Variants in ADAMTS3 observed in about 807,000 individuals in gnomAD.
The protein encoded by ADAMTS3 is A disintegrin and metalloproteinase with thrombospondin motifs 3.
In ADAMTS3, 73 loss-of-function variants were observed where a neutral mutation model predicts 129.0. The ratio of observed to expected loss-of-function variants is 0.57; its 90% CI spans 0.47 to 0.69. The LOEUF is 0.69. Ranked by LOEUF, ADAMTS3 falls within the 30% of genes least tolerant of loss-of-function variation. ADAMTS3 has a pLI of 0.00. For synonymous variants in ADAMTS3, 477 were observed against 510.8 expected (o/e 0.93, Z 0.89); for missense variants, 1,457 against 1,514.5 (o/e 0.96, Z 0.63).
chr4:72,293,171 A>T (rs1444024328), intron 19 of ADAMTS3, among the ~76,000 whole-genome samples: 2 of 152,164 alleles, frequency 1.3e-5, no homozygotes, highest in East Asian at 3.9e-4. Context: ...GAGCAAACTG[A>T]CTTGCACTGT....
rs942121391 is a variant in ADAMTS3 at position 72,313,618 on chromosome 4, A to G, written c.1745+59T>C. The stretch of plus-strand genomic sequence containing the variant: ...TTATAAAACAGAATACTAATAACAT[A>G]ATATTGAAGTATTTTCTGGTCTCTC... On this transcript the variant is annotated intron_variant, in intron 12 of 21. Coordinates refer to ENST00000286657, the MANE Select transcript of ADAMTS3 (RefSeq NM_014243.3). 17 of 1,553,656 alleles carry G rather than the reference A, an allele frequency of 1.1e-5. No individual in the cohort carries two copies. In the African/African-American group the frequency reaches 2.3e-4, roughly 21 times the overall value.
chr4:72,304,410 G>A (rs955732605), intron 16 of ADAMTS3, among the ~76,000 whole-genome samples: 1 of 152,042 alleles, frequency 6.6e-6, no homozygotes, highest in Non-Finnish European at 1.5e-5. Context: ...AGAAAACTGG[G>A]AATATCTTGA....
intron 2 of ADAMTS3, among the ~76,000 whole-genome samples, chr4:72,551,414 T>C (rs915512569): frequency 6.6e-6 from 1 of 152,204 alleles, no homozygotes; most frequent in African/African-American, 2.4e-5. Flanking sequence ...ATATGAATGG[T>C]ATGTTTCTAT....
At chr4:72,486,575 A>C (rs1318631128) in intron 3 of ADAMTS3, among the ~76,000 whole-genome samples, 1 of 152,202 alleles carries the variant, frequency 6.6e-6, no homozygotes, top group African/African-American at 2.4e-5. Context: ...GTGCTTGAAA[A>C]GATCCAAATG....
chr4:72,375,758 C>A (rs1240711032), intron 4 of ADAMTS3, among the ~76,000 whole-genome samples: 1 of 152,120 alleles, frequency 6.6e-6, no homozygotes, highest in Non-Finnish European at 1.5e-5. Flanking sequence ...ATGTACACAG[C>A]AGGAATAAAC....
intron 4 of ADAMTS3, among the ~76,000 whole-genome samples, chr4:72,398,596 C>T (rs1222804611): frequency 6.6e-6 from 1 of 151,894 alleles, no homozygotes; most frequent in African/African-American, 2.4e-5. Context: ...TAAATACATA[C>T]ATACATAAAT....
chr4:72,296,618 T>C (rs1718815782), intron 18 of ADAMTS3, among the ~76,000 whole-genome samples: 1 of 152,128 alleles, frequency 6.6e-6, no homozygotes, highest in East Asian at 1.9e-4. Context: ...ATAATTTTGC[T>C]GAACCATTTG....
chr4:72,414,292 G>C (rs1414365243), intron 4 of ADAMTS3, among the ~76,000 whole-genome samples: 1 of 151,666 alleles, frequency 6.6e-6, no homozygotes, highest in African/African-American at 2.4e-5. Context: ...AGCAGTTCTA[G>C]CCTAATTTGA....
Position 72,474,896 on chromosome 4 carries a change from G to C in ADAMTS3, c.505-59925C>G, listed in dbSNP as rs112783271. 7.6e-3 allele frequency among the ~76,000 whole-genome samples: 1,145 copies of C among 151,196 alleles called. 27 individuals are homozygous for C. The highest frequency in any genetic ancestry group is 0.026 in the African/African-American group (1,088 of 41,300). On this transcript the variant is annotated intron_variant, in intron 3 of 21. Transcript: ENST00000286657. ...AAAAAAATTAGCCGGGCGTAGTGGC[G>C]GGTGCCTGTAGTCCCAGCTACTTGG...
At chr4:72,550,081 G>GGAAGAAGAA (rs1182642409) in intron 2 of ADAMTS3, among the ~76,000 whole-genome samples, 3 of 26,054 alleles carry the variant, frequency 1.2e-4, no homozygotes, top group East Asian at 1.3e-3. Flanking sequence ...AAGAGGAAGA[G>GGAAGAAGAA]GAAGAAGAAG....
At chr4:72,295,834 G>T in intron 18 of ADAMTS3, 48 bp from the exon 19 acceptor site, 2 of 1,583,668 alleles carry the variant, frequency 1.3e-6, no homozygotes, top group South Asian at 1.1e-5. Context: ...TCTTCATGCT[G>T]ATAGTTACTT....
intron 17 of ADAMTS3, among the ~76,000 whole-genome samples, chr4:72,301,347 A>G (rs1718945624): frequency 6.6e-6 from 1 of 152,080 alleles, no homozygotes; most frequent in Non-Finnish European, 1.5e-5. Context: ...TGAAAAGACA[A>G]CCTATGGACT....
intron 4 of ADAMTS3, among the ~76,000 whole-genome samples, chr4:72,375,453 C>T (rs1721112787): frequency 6.6e-6 from 1 of 152,126 alleles, no homozygotes; most frequent in Non-Finnish European, 1.5e-5. Context: ...AAAGACAGAG[C>T]TTAAATGAGT....
intron 3 of ADAMTS3, among the ~76,000 whole-genome samples, chr4:72,542,322 G>A (rs1246531769): frequency 2.0e-5 from 3 of 151,788 alleles, no homozygotes; most frequent in Non-Finnish European, 2.9e-5. Flanking sequence ...CCACCACCAC[G>A]CCCGGCTAAT....
chr4:72,521,932 A>G (rs1260803945), intron 3 of ADAMTS3, among the ~76,000 whole-genome samples: 1 of 152,202 alleles, frequency 6.6e-6, no homozygotes, highest in Admixed American at 6.5e-5. Context: ...TAAGATCAGA[A>G]TATCTAGATT....
rs146003778 is a variant in ADAMTS3, at chr4:72,457,007, A to G, written c.505-42036T>C. On this transcript the variant is annotated intron_variant, in intron 3 of 21. Transcript: ENST00000286657. ...ATCATGGAAGGAAGTCACCCAAAAT[A>G]TAAGTAGAGATCTTTGAGGTGTAGG... Among the ~76,000 whole-genome samples, 195 of 151,846 alleles carry G rather than the reference A, an allele frequency of 1.3e-3. 3 individuals are homozygous for G. Among genetic ancestry groups the G allele is most frequent in the Admixed American group, 7.7e-3 (117 of 15,196 alleles).
rs1164965911 is a variant in ADAMTS3, at chr4:72,529,769, TGTTA to T, written c.504+18705_504+18708del. Among the ~76,000 whole-genome samples the T allele has an allele frequency of 5.1e-3, 532 of 104,680 alleles. 1 individual carries two copies. Among genetic ancestry groups the T allele is most frequent in the African/African-American group, 0.019 (513 of 26,946 alleles). 68.7% of individuals were successfully genotyped at this position (104,680 alleles called of 152,430 possible). ...ATATATTGTATATAATATTAATATA[TGTTA>T]ATTAATATATGATATAATTTAATAT... On this transcript the variant is annotated intron_variant, in intron 3 of 21. Transcript: ENST00000286657.
At chr4:72,505,519 T>A (rs184991934) in intron 3 of ADAMTS3, among the ~76,000 whole-genome samples, 5 of 152,294 alleles carry the variant, frequency 3.3e-5, no homozygotes, top group African/African-American at 1.2e-4. Flanking sequence ...GGCTGACTCC[T>A]GGAAAGCACA....
At chr4:72,432,224 T>C (rs1411392568) in intron 3 of ADAMTS3, among the ~76,000 whole-genome samples, 1 of 151,884 alleles carries the variant, frequency 6.6e-6, no homozygotes, top group African/African-American at 2.4e-5. Context: ...AAGTGATAAA[T>C]GCTACTTCTC....
Sources: allele counts gnomAD v4.1 joint callset (sites outside exome capture counted in the v4.1 genomes callset), GRCh38; gene constraint gnomAD v4.1.1; transcripts MANE v1.5; gene names NCBI Gene and HGNC (gene_info 2026-07-23, HGNC 2026-07-21).